APLP2: variants seen among roughly 807,000 people sequenced by gnomAD.
APLP2 encodes the protein amyloid beta precursor like protein 2.
APLP2 carries 53 observed loss-of-function variants against 89.9 expected under a neutral mutation model. The observed-to-expected ratio is 0.59, with a 90% CI of 0.47 to 0.74. The LOEUF (loss-of-function observed/expected upper bound fraction) is 0.74. APLP2 is among the 30% of genes least tolerant of loss of function. The pLI, the probability that APLP2 is intolerant of heterozygous loss-of-function variation, is 0.00. For synonymous variants in APLP2, 372 were observed against 348.6 expected (o/e 1.07, Z -0.75); for missense variants, 973 against 975.9 (o/e 1.00, Z 0.04).
chr11:130,141,072 AATT>A lies in APLP2; in HGVS notation c.1924-425_1924-423del, dbSNP rs1204698021. The A allele has an allele frequency of 6.3e-6, 1 of 157,890 alleles. No homozygotes were observed. Among genetic ancestry groups the A allele is most frequent in the Non-Finnish European group, 1.4e-5 (1 of 71,836 alleles). 9.8% of individuals were successfully genotyped at this position (157,890 alleles called of 1,614,324 possible). A position where few individuals can be genotyped will look rare whatever the true frequency, so the allele number is the denominator to read the frequency against. On this transcript the variant is annotated intron_variant, in intron 14 of 16. Coordinates refer to ENST00000338167, the MANE Select transcript of APLP2 (RefSeq NM_001142276.2). The surrounding 1 kb of genome is among the most constrained non-coding windows in gnomAD (Gnocchi z 4.2). ...CAGGCGTCCGCCACCACGCCTGGCT[AATT>A]TTTTGTATTTTTAGTAGAGACGAGG...
chr11:130,088,849 C>A (rs111238750), intron 1 of APLP2, among the ~76,000 whole-genome samples: 14 of 151,890 alleles, frequency 9.2e-5, no homozygotes, highest in Non-Finnish European at 1.5e-4. Context: ...ACAGTCTCCC[C>A]CAGGTGGTTC....
chr11:130,121,657 T>C lies in APLP2; in HGVS notation c.560T>C (p.Leu187Pro), dbSNP rs1949833973. 1 of 1,614,196 alleles carries C rather than the reference T, an allele frequency of 6.2e-7. No homozygotes were observed. Among genetic ancestry groups the C allele is most frequent in the Non-Finnish European group, 8.5e-7 (1 of 1,180,030 alleles). ...ATGACCTTATATAGCTACGGCATGC[T>C]GCTCCCATGTGGGGTAGACCAGTTC... ...QGMTLYSYGM[L>P]LPCGVDQFHG... is the part of the protein sequence containing the mutation. The change falls in exon 5 of 17, where the codon CTG becomes CCG. Residue 187 changes from leucine to proline, a missense_variant. Physicochemically the swap from Leu to Pro is moderately conservative, Grantham distance 98. Transcript: ENST00000338167.
rs1481975852 is a variant in APLP2 at position 130,130,470 on chromosome 11, A to G, written c.1584+304A>G. On this transcript the variant is annotated intron_variant, in intron 11 of 16. Transcript: ENST00000338167. The stretch of plus-strand genomic sequence containing the variant: ...CAATATTCAAGATCCTTTTCTAGGT[A>G]TATTTATCAAGCAGATCTTAAAAAT... Among the ~76,000 whole-genome samples, 6 of 152,340 alleles carry G rather than the reference A, an allele frequency of 3.9e-5. No homozygotes were observed. The East Asian group carries it at 9.6e-4, about 24-fold the overall frequency.
intron 1 of APLP2, among the ~76,000 whole-genome samples, chr11:130,100,820 A>G (rs1295412308): frequency 6.6e-6 from 1 of 152,204 alleles, no homozygotes; most frequent in Non-Finnish European, 1.5e-5. Flanking sequence ...ACCAGTTTCT[A>G]ATTAGAATTA....
At chr11:130,136,391 G>A (rs999294303) in intron 13 of APLP2, among the ~76,000 whole-genome samples, 2 of 152,190 alleles carry the variant, frequency 1.3e-5, no homozygotes, top group Non-Finnish European at 2.9e-5. Context: ...GCATCTCAGC[G>A]GATGCTCTCC....
intron 1 of APLP2, among the ~76,000 whole-genome samples, chr11:130,089,653 C>G (rs1944615512): frequency 6.6e-6 from 1 of 152,232 alleles, no homozygotes. Context: ...GTGACTTAAG[C>G]AACAGAAATT....
chr11:130,084,404 T>C (rs186147589), intron 1 of APLP2, among the ~76,000 whole-genome samples: 120 of 152,382 alleles, frequency 7.9e-4, no homozygotes, highest in African/African-American at 2.6e-3. Context: ...TATGATCTTA[T>C]TAATGTGTTG....
intron 11 of APLP2, among the ~76,000 whole-genome samples, chr11:130,131,510 G>A (rs1012918639): frequency 6.6e-5 from 10 of 152,182 alleles, no homozygotes; most frequent in Non-Finnish European, 1.5e-4. Flanking sequence ...GGGCTGGGTT[G>A]GAGACCCTAA....
At chr11:130,081,288 T>A (rs181209385) in intron 1 of APLP2, among the ~76,000 whole-genome samples, 266 of 152,318 alleles carry the variant, frequency 1.7e-3, no homozygotes, top group African/African-American at 5.9e-3. Context: ...ACAACATTCA[T>A]CCCTCTAAAT....
chr11:130,122,347 A>G lies in APLP2; in HGVS notation c.756A>G (p.Ala252=). ...CAGATCTGGAAGACTTCACAGAAGC[A>G]GCTGTGGATGAGGATGATGAGGATG... ...TEADLEDFTE[A]AVDEDDEDEE... is the part of the protein sequence containing the mutation. Residue 252 remains alanine, a synonymous_variant, in exon 6 of 17, where the codon GCA becomes GCG. Transcript: ENST00000338167. 1 of 1,614,130 alleles carries G rather than the reference A, an allele frequency of 6.2e-7. No homozygotes were observed. The highest frequency in any genetic ancestry group is 8.5e-7 in the Non-Finnish European group (1 of 1,179,994).
chr11:130,117,359 G>A (rs1020785129), intron 3 of APLP2, among the ~76,000 whole-genome samples: 13 of 152,280 alleles, frequency 8.5e-5, no homozygotes, highest in African/African-American at 3.1e-4. Context: ...GCATCCTGAA[G>A]AGATGAGACA....
chr11:130,126,803 G>C lies in APLP2; in HGVS notation c.1194G>C (p.Glu398Asp), dbSNP rs1332155681. Residue 398 changes from glutamate (E) to aspartate (D), a missense_variant, in exon 8 of 17, where the codon GAG (glutamate) becomes GAC (aspartate). Transcript: ENST00000338167. ...TCCAGAAGGCTAAGGAGCAGCTGGA[G>C]ATTCGGCACCGCAACCGAATGGACA... ...ARFQKAKEQL[E>D]IRHRNRMDRV... 1 of 1,614,214 alleles carries C rather than the reference G, an allele frequency of 6.2e-7. No individual in the cohort carries two copies. Among genetic ancestry groups the C allele is most frequent in the South Asian group, 1.1e-5 (1 of 91,082 alleles).
intron 1 of APLP2, among the ~76,000 whole-genome samples, chr11:130,079,893 T>C (rs1401365888): frequency 6.6e-6 from 1 of 152,222 alleles, no homozygotes; most frequent in East Asian, 1.9e-4. Context: ...AAGGAAGAGT[T>C]TATATTCTAA....
At chr11:130,105,162 C>T (rs1045139224) in intron 1 of APLP2, among the ~76,000 whole-genome samples, 3 of 152,158 alleles carry the variant, frequency 2.0e-5, no homozygotes, top group East Asian at 3.8e-4. Context: ...CTTAGGATCC[C>T]AGTCCTTTGG....
In APLP2 at chr11:130,123,699, G is replaced by A. The variant is rs542688342; in HGVS notation, c.1010G>A (p.Arg337His). 40 of 1,614,140 alleles carry A rather than the reference G, an allele frequency of 2.5e-5. No individual in the cohort carries two copies. The highest frequency in any genetic ancestry group is 1.6e-4 in the Middle Eastern group (1 of 6,084). ...GACCTCTCCAAGGGAAAGTGCGTGC[G>A]CTTTATATATGGTGGCTGCGGCGGC... ...YFDLSKGKCV[R>H]FIYGGCGGNR... Residue 337 changes from arginine to histidine, a missense_variant, in exon 7 of 17, where the codon CGC becomes CAC. Transcript: ENST00000338167. This position sits in a 1 kb window ranked among gnomAD's most constrained non-coding sequence, Gnocchi z 4.0.
chr11:130,137,935 C>A (rs550777041), intron 13 of APLP2, among the ~76,000 whole-genome samples: 1 of 152,316 alleles, frequency 6.6e-6, no homozygotes, highest in South Asian at 2.1e-4. Context: ...GTCCACTGAA[C>A]GTCCCTGTAG....
In APLP2 at chr11:130,123,586, C is replaced by CT. The variant is rs759981266; in HGVS notation, c.923-25dup. The CT allele has an allele frequency of 1.2e-6, 2 of 1,605,392 alleles. No homozygotes were observed. The highest frequency in any genetic ancestry group is 1.7e-6 in the Non-Finnish European group (2 of 1,175,980). On this transcript the variant is annotated intron_variant, in intron 6 of 16. Transcript: ENST00000338167. This position sits in a 1 kb window ranked among gnomAD's most constrained non-coding sequence, Gnocchi z 4.0. The stretch of plus-strand genomic sequence containing the variant: ...ATTTGACGTCACTGCCTCTGTCCTG[C>CT]TGACACTCTGACCATTTTCACACAG...
At position 130,123,676 on chromosome 11, in the gene APLP2, C is replaced by G. The variant is rs747389828; in HGVS notation, c.987C>G (p.Asp329Glu). 14 of 1,614,274 alleles carry G rather than the reference C, an allele frequency of 8.7e-6. No homozygotes were observed. Among genetic ancestry groups the G allele is most frequent in the Non-Finnish European group, 1.2e-5 (14 of 1,180,044 alleles). Residue 329 changes from aspartate to glutamate, a missense_variant, in exon 7 of 17, where the codon GAC (aspartate) becomes GAG (glutamate). By Grantham distance (45) the Asp-to-Glu change is conservative. Transcript: ENST00000338167. This position sits in a 1 kb window ranked among gnomAD's most constrained non-coding sequence, Gnocchi z 4.0. ...CRAVMPRWYF[D>E]LSKGKCVRFI... ...CCGTGATGCCTCGTTGGTACTTCGA[C>G]CTCTCCAAGGGAAAGTGCGTGCGCT...
At chr11:130,093,311 A>T (rs1945704117) in intron 1 of APLP2, among the ~76,000 whole-genome samples, 1 of 152,244 alleles carries the variant, frequency 6.6e-6, no homozygotes, top group South Asian at 2.1e-4. Flanking sequence ...AACATGAACG[A>T]GAACAAAACA....
Sources: allele counts gnomAD v4.1 joint callset (sites outside exome capture counted in the v4.1 genomes callset), GRCh38; gene constraint gnomAD v4.1.1; non-coding constraint Gnocchi (gnomAD v3.1); transcripts MANE v1.5; gene names NCBI Gene and HGNC (gene_info 2026-07-23, HGNC 2026-07-21).